The following NDFIP1 variants were observed in gnomAD, a reference collection of about 807,000 sequenced individuals.
NDFIP1 encodes the protein Nedd4 family interacting protein 1, also known as NEDD4 family-interacting protein 1.
Under a neutral mutation model 28.8 loss-of-function variants are expected in NDFIP1, and 7 were observed. That is an observed-to-expected ratio of 0.24 (90% CI 0.14 to 0.46). The LOEUF (loss-of-function observed/expected upper bound fraction) is 0.46, where lower values mean the gene tolerates loss of function less well. Among genes scored for constraint, NDFIP1 ranks in the 20% least tolerant of loss-of-function variants. The pLI is 0.99. For missense variants in NDFIP1, 194 were observed against 269.1 expected (o/e 0.72, Z 1.95); for synonymous variants, 92 against 101.0 (o/e 0.91, Z 0.53).
chr5:142,122,766 C>CT (rs1192413086), intron 1 of NDFIP1, among the ~76,000 whole-genome samples: 10 of 151,986 alleles, frequency 6.6e-5, no homozygotes, highest in African/African-American at 2.4e-4. Flanking sequence ...ATTTAGATAT[C>CT]TTTTTTTGTG....
Position 142,146,071 on chromosome 5 carries a change from A to G in NDFIP1, c.*2+1395A>G, listed in dbSNP as rs368024636. Among the ~76,000 whole-genome samples the G allele has an allele frequency of 8.5e-5, 13 of 152,226 alleles. No individual in the cohort carries two copies. In the East Asian group the frequency reaches 9.6e-4, roughly 11 times the overall value. On this transcript the variant is annotated intron_variant, in intron 7 of 7. Coordinates refer to ENST00000253814, the MANE Select transcript of NDFIP1 (RefSeq NM_030571.4). Reference sequence around the variant, plus strand: ...ATATAACAAACATTTTTTCAAGCATAGTATAGTAAACTAAAATTAACACTC... The same window carrying G: ...ATATAACAAACATTTTTTCAAGCATGGTATAGTAAACTAAAATTAACACTC...
chr5:142,141,597 A>C (rs1340260205), intron 6 of NDFIP1, among the ~76,000 whole-genome samples: 1 of 152,234 alleles, frequency 6.6e-6, no homozygotes, highest in Non-Finnish European at 1.5e-5. Context: ...ATGTAAAGAA[A>C]ATATATATGA....
At chr5:142,128,854 G>T (rs1308551333) in intron 1 of NDFIP1, among the ~76,000 whole-genome samples, 3 of 152,174 alleles carry the variant, frequency 2.0e-5, no homozygotes, top group African/African-American at 7.2e-5. Context: ...GTTCTAAGAA[G>T]GCTGGAATTT....
At chr5:142,114,895 A>G (rs1475295784) in intron 1 of NDFIP1, among the ~76,000 whole-genome samples, 1 of 152,154 alleles carries the variant, frequency 6.6e-6, no homozygotes, top group African/African-American at 2.4e-5. Context: ...ACCACTTGTT[A>G]GGCAAGATTT....
chr5:142,116,094 G>A (rs1757064501), intron 1 of NDFIP1, among the ~76,000 whole-genome samples: 1 of 152,264 alleles, frequency 6.6e-6, no homozygotes, highest in African/African-American at 2.4e-5. Flanking sequence ...ACTGAGGGAT[G>A]ACTGTATGAT....
intron 1 of NDFIP1, among the ~76,000 whole-genome samples, chr5:142,123,740 A>G (rs1203223072): frequency 6.6e-6 from 1 of 152,224 alleles, no homozygotes; most frequent in East Asian, 1.9e-4. Context: ...CTCTGTAAAC[A>G]AAAGATGACC....
At position 142,117,338 on chromosome 5, in the gene NDFIP1, G is replaced by C. The variant is rs181311832; in HGVS notation, c.63+8301G>C. Among the ~76,000 whole-genome samples the C allele has an allele frequency of 5.1e-3, 770 of 151,756 alleles. 3 individuals carry two copies. Among genetic ancestry groups the C allele is most frequent in the Non-Finnish European group, 8.3e-3 (564 of 67,924 alleles). ...AGCTCACTGCAACCTCCGCCTCCTG[G>C]GCTCAAGTGATTCTCCTGCCTCAGT... On this transcript the variant is annotated intron_variant, in intron 1 of 7. Transcript: ENST00000253814.
At chr5:142,136,333 T>C (rs1757274332) in intron 4 of NDFIP1, among the ~76,000 whole-genome samples, 1 of 152,240 alleles carries the variant, frequency 6.6e-6, no homozygotes, top group African/African-American at 2.4e-5. Context: ...GGTGATGTTA[T>C]ATAAGTTGTC....
chr5:142,149,413 G>A (rs965180028), intron 7 of NDFIP1, among the ~76,000 whole-genome samples: 1 of 144,196 alleles, frequency 6.9e-6, no homozygotes, highest in Non-Finnish European at 1.5e-5. Context: ...GGAATTAAAT[G>A]ATCTGTAGGC....
intron 1 of NDFIP1, among the ~76,000 whole-genome samples, chr5:142,130,494 C>T (rs1022351854): frequency 6.6e-6 from 1 of 152,070 alleles, no homozygotes. Flanking sequence ...TGTGATTTGT[C>T]TTTTGTCTTA....
intron 7 of NDFIP1, among the ~76,000 whole-genome samples, chr5:142,144,938 C>T (rs1333583024): frequency 1.3e-5 from 2 of 152,212 alleles, no homozygotes; most frequent in Admixed American, 1.3e-4. Flanking sequence ...TCTTAGCAGT[C>T]ATCAGAAAGC....
intron 1 of NDFIP1, among the ~76,000 whole-genome samples, chr5:142,117,540 C>T (rs962377976): frequency 1.3e-5 from 2 of 152,004 alleles, no homozygotes; most frequent in Non-Finnish European, 2.9e-5. Flanking sequence ...TGCGCCTGGC[C>T]GATTTCATTT....
At chr5:142,145,358 C>G (rs1273910991) in intron 7 of NDFIP1, among the ~76,000 whole-genome samples, 1 of 152,130 alleles carries the variant, frequency 6.6e-6, no homozygotes, top group Non-Finnish European at 1.5e-5. Flanking sequence ...ACATCAATGG[C>G]TGCCTGAAGG....
At chr5:142,120,154 C>T (rs1488077692) in intron 1 of NDFIP1, among the ~76,000 whole-genome samples, 1 of 152,158 alleles carries the variant, frequency 6.6e-6, no homozygotes, top group East Asian at 1.9e-4. Context: ...CGGGGTTTCA[C>T]TATGTTGGTC....
chr5:142,126,163 A>G (rs1331134429), intron 1 of NDFIP1, among the ~76,000 whole-genome samples: 2 of 152,250 alleles, frequency 1.3e-5, no homozygotes, highest in Admixed American at 1.3e-4. Context: ...TAGCATACTC[A>G]GCTGTTTACC....
chr5:142,132,526 T>C (rs1418118114), intron 3 of NDFIP1, among the ~76,000 whole-genome samples, 184 bp downstream of exon 3: 1 of 152,236 alleles, frequency 6.6e-6, no homozygotes, highest in Non-Finnish European at 1.5e-5. Context: ...TGAGGTAAAT[T>C]ACTAGTCAGA....
chr5:142,130,764 A>T (rs1184239821), intron 1 of NDFIP1, among the ~76,000 whole-genome samples: 3 of 152,142 alleles, frequency 2.0e-5, no homozygotes, highest in Non-Finnish European at 2.9e-5. Flanking sequence ...ATACACAACA[A>T]AAAGGAAAAA....
intron 1 of NDFIP1, among the ~76,000 whole-genome samples, chr5:142,117,383 A>G (rs1757079594): frequency 6.6e-6 from 1 of 151,674 alleles, no homozygotes; most frequent in Non-Finnish European, 1.5e-5. Flanking sequence ...AGCTGGGACT[A>G]CAGGCGCCCG....
intron 1 of NDFIP1, among the ~76,000 whole-genome samples, chr5:142,119,047 A>G (rs1210389734): frequency 6.6e-6 from 1 of 152,238 alleles, no homozygotes; most frequent in Non-Finnish European, 1.5e-5. Flanking sequence ...CTAAGCTGAC[A>G]GAGCAAGGAA....
Sources: gnomAD v4.1 joint callset for allele counts (sites outside exome capture counted in the v4.1 genomes callset) on GRCh38, gnomAD v4.1.1 for gene constraint, MANE v1.5 for transcripts, NCBI Gene and HGNC (gene_info 2026-07-23, HGNC 2026-07-21) for gene names.